Variants in GRIN2B observed in about 807,000 individuals in gnomAD.
GRIN2B encodes glutamate receptor ionotropic, NMDA 2B.
A neutral mutation model predicts 114.5 loss-of-function variants in GRIN2B; 5 were observed. That is an observed-to-expected ratio of 0.04 (90% CI 0.02 to 0.09). The LOEUF (loss-of-function observed/expected upper bound fraction) is 0.09, where lower values mean the gene tolerates loss of function less well. GRIN2B is among the 10% of genes least tolerant of loss of function. GRIN2B has a pLI of 1.00. For synonymous variants in GRIN2B, 787 were observed against 745.1 expected, an observed-to-expected ratio of 1.06 and a Z score of -0.92; for missense variants, 1,108 against 1,943.5, an observed-to-expected ratio of 0.57 and a Z score of 8.08.
chr12:13,848,386 A>G (rs1259304848), intron 3 of GRIN2B, among the ~76,000 whole-genome samples: 1 of 152,076 alleles, frequency 6.6e-6, no homozygotes, highest in Non-Finnish European at 1.5e-5. Context: ...ATCGAACACT[A>G]CTTCCTGGAG....
rs1277967187 is a variant in GRIN2B, at chr12:13,546,661, T to C, written c.*16122A>G. 6.6e-6 allele frequency: 1 copy of C among 152,202 alleles called. No individual in the cohort carries two copies. Among genetic ancestry groups the C allele is most frequent in the Non-Finnish European group, 1.5e-5 (1 of 68,044 alleles). The allele number at this position is 152,202 out of a possible 1,614,324, so 9.4% of individuals were successfully genotyped here. Reference sequence around the variant, plus strand: ...CATTCCAATAGACACACAATATTAATGGTTAAAAATAACATGCAACAACTC... The same window carrying C: ...CATTCCAATAGACACACAATATTAACGGTTAAAAATAACATGCAACAACTC... On this transcript the variant is annotated 3_prime_UTR_variant, in exon 14 of 14. Coordinates refer to ENST00000609686, the MANE Select transcript of GRIN2B (RefSeq NM_000834.5).
intron 4 of GRIN2B, among the ~76,000 whole-genome samples, chr12:13,682,318 A>G: frequency 6.7e-6 from 1 of 149,354 alleles, no homozygotes; most frequent in East Asian, 1.9e-4. Flanking sequence ...GTGGTTGGAC[A>G]ATATAATTAG....
At chr12:13,720,326 T>C (rs1346763292) in intron 4 of GRIN2B, among the ~76,000 whole-genome samples, 1 of 151,928 alleles carries the variant, frequency 6.6e-6, no homozygotes, top group Non-Finnish European at 1.5e-5. Flanking sequence ...TGTCAGACTG[T>C]CTACACTGGT....
At chr12:13,861,909 C>T (rs1258483219) in intron 3 of GRIN2B, among the ~76,000 whole-genome samples, 2 of 152,354 alleles carry the variant, frequency 1.3e-5, no homozygotes, top group East Asian at 1.9e-4. Context: ...TTAGGCTGGA[C>T]ACTTCAGTGA....
intron 3 of GRIN2B, among the ~76,000 whole-genome samples, chr12:13,809,597 T>C (rs1426657599): frequency 1.3e-5 from 2 of 152,042 alleles, no homozygotes; most frequent in African/African-American, 4.8e-5. Context: ...TAAAGTAAAA[T>C]ATTAGCCTGA....
chr12:13,935,189 A>G (rs911841844), intron 2 of GRIN2B, among the ~76,000 whole-genome samples: 2 of 152,200 alleles, frequency 1.3e-5, no homozygotes, highest in Non-Finnish European at 2.9e-5. Context: ...ACCCTGTCAT[A>G]GCTATTCAAA....
At chr12:13,907,863 A>C (rs971151955) in intron 2 of GRIN2B, among the ~76,000 whole-genome samples, 5 of 152,320 alleles carry the variant, frequency 3.3e-5, no homozygotes, top group East Asian at 1.9e-4. Flanking sequence ...GTTTCTTAAA[A>C]TTCAGGATAA....
intron 5 of GRIN2B, among the ~76,000 whole-genome samples, chr12:13,659,566 G>T (rs547379046): frequency 2.0e-5 from 3 of 152,052 alleles, no homozygotes; most frequent in African/African-American, 7.2e-5. Context: ...TGCTCTTTAA[G>T]CTCAATCTTT....
chr12:13,807,245 G>A (rs1032173312), intron 3 of GRIN2B, among the ~76,000 whole-genome samples: 2 of 152,074 alleles, frequency 1.3e-5, no homozygotes, highest in African/African-American at 4.8e-5. Flanking sequence ...AACCTGCCAC[G>A]GCTGTATGAG....
chr12:13,794,501 C>G (rs1226997349), intron 3 of GRIN2B, among the ~76,000 whole-genome samples: 1 of 152,172 alleles, frequency 6.6e-6, no homozygotes, highest in Non-Finnish European at 1.5e-5. Flanking sequence ...CCACTCCCCA[C>G]TAACCTCCCC....
chr12:13,744,906 C>G (rs1429243389), intron 4 of GRIN2B, among the ~76,000 whole-genome samples: 1 of 152,138 alleles, frequency 6.6e-6, no homozygotes, highest in Non-Finnish European at 1.5e-5. Context: ...CTTGGCTTCT[C>G]CCGTGCCCTA....
chr12:13,810,456 G>C (rs1264792678), intron 3 of GRIN2B, among the ~76,000 whole-genome samples: 1 of 152,046 alleles, frequency 6.6e-6, no homozygotes, highest in African/African-American at 2.4e-5. Context: ...TAGCTTCGAG[G>C]TCTATCCTAT....
At chr12:13,953,575 G>C (rs576692115) in intron 2 of GRIN2B, among the ~76,000 whole-genome samples, 2 of 152,272 alleles carry the variant, frequency 1.3e-5, no homozygotes, top group Non-Finnish European at 2.9e-5. Context: ...TTTACCAATG[G>C]AGATACTGCC....
At chr12:13,734,839 A>G (rs535227950) in intron 4 of GRIN2B, among the ~76,000 whole-genome samples, 2 of 152,312 alleles carry the variant, frequency 1.3e-5, no homozygotes, top group Admixed American at 6.5e-5. Flanking sequence ...AAGGACACCT[A>G]TGTCCTTCCA....
intron 10 of GRIN2B, among the ~76,000 whole-genome samples, chr12:13,580,659 AC>A (rs2136426095): frequency 6.6e-6 from 1 of 152,098 alleles, no homozygotes; most frequent in South Asian, 2.1e-4. Context: ...CCTACTCAGC[AC>A]CCTCCTGTTA....
intron 4 of GRIN2B, among the ~76,000 whole-genome samples, chr12:13,717,337 G>C (rs1459803792): frequency 6.6e-6 from 1 of 151,828 alleles, no homozygotes; most frequent in Non-Finnish European, 1.5e-5. Context: ...ATAAAAGCAA[G>C]GCAATGCAGA....
chr12:13,980,558 C>G (rs1051741139), intron 1 of GRIN2B, among the ~76,000 whole-genome samples: 2 of 152,012 alleles, frequency 1.3e-5, no homozygotes, highest in Non-Finnish European at 2.9e-5. Flanking sequence ...CTATACCATT[C>G]CTGGGACAGG....
intron 3 of GRIN2B, among the ~76,000 whole-genome samples, chr12:13,858,506 C>T (rs1024817416): frequency 2.6e-5 from 4 of 152,094 alleles, no homozygotes; most frequent in African/African-American, 9.7e-5. Context: ...TAAAAATATA[C>T]TCTTTGTATA....
chr12:13,553,980 C>T lies in GRIN2B; in HGVS notation c.*8803G>A, dbSNP rs1387029927. 1 of 152,116 alleles carries T rather than the reference C, an allele frequency of 6.6e-6. No homozygotes were observed. The highest frequency in any genetic ancestry group is 1.5e-5 in the Non-Finnish European group (1 of 68,020). The allele number at this position is 152,116 out of a possible 1,614,324, so 9.4% of individuals were successfully genotyped here. On this transcript the variant is annotated 3_prime_UTR_variant, in exon 14 of 14. Transcript: ENST00000609686. ...TCCATTTGAAATAATGAACTGTATA[C>T]ATGTAGTATATACATGTGATTGTGT...
Sources: gnomAD v4.1 joint callset for allele counts (sites outside exome capture counted in the v4.1 genomes callset) on GRCh38, gnomAD v4.1.1 for gene constraint, MANE v1.5 for transcripts, NCBI Gene and HGNC (gene_info 2026-07-23, HGNC 2026-07-21) for gene names.